CDK5RAP2: variants seen among roughly 807,000 people sequenced by gnomAD.
CDK5RAP2 encodes the protein CDK5 regulatory subunit associated protein 2.
CDK5RAP2 carries 147 observed loss-of-function variants against 232.9 expected under a neutral mutation model. That is an observed-to-expected ratio of 0.63 (90% CI 0.55 to 0.72). The LOEUF is 0.72. Among genes scored for constraint, CDK5RAP2 ranks in the 30% least tolerant of loss-of-function variants. CDK5RAP2 has a pLI of 0.00. For synonymous variants in CDK5RAP2, 833 were observed against 833.7 expected (o/e 1.00, Z 0.01); for missense variants, 2,195 against 2,231.5 (o/e 0.98, Z 0.33).
At chr9:120,469,373 G>GTA (rs2037562550) in intron 17 of CDK5RAP2, among the ~76,000 whole-genome samples, 1 of 152,118 alleles carries the variant, frequency 6.6e-6, no homozygotes, top group African/African-American at 2.4e-5. Context: ...TTGTACAGCT[G>GTA]CCCATACAGC....
intron 12 of CDK5RAP2, among the ~76,000 whole-genome samples, chr9:120,504,506 G>A (rs932972130): frequency 1.4e-4 from 21 of 152,114 alleles, no homozygotes; most frequent in African/African-American, 4.3e-4. Context: ...TCCCTACCCC[G>A]CATCCCACTG....
chr9:120,532,345 G>A (rs950209337), intron 7 of CDK5RAP2: 1 of 152,216 alleles, frequency 6.6e-6, no homozygotes, highest in African/African-American at 2.4e-5. Flanking sequence ...GCAGCTCAAA[G>A]GCCAGATTGA....
intron 14 of CDK5RAP2, among the ~76,000 whole-genome samples, chr9:120,486,840 A>G (rs115151862): frequency 1.2e-3 from 184 of 152,338 alleles, no homozygotes; most frequent in African/African-American, 4.2e-3. Flanking sequence ...AACTACATAC[A>G]CAAAGGCACA....
In CDK5RAP2 at chr9:120,564,469, AAC is replaced by A. The variant is rs1465947962; in HGVS notation, c.195+3850_195+3851del. 2.7e-5 allele frequency among the ~76,000 whole-genome samples: 4 copies of A among 150,764 alleles called. No individual in the cohort carries two copies. The East Asian group carries it at 7.8e-4, about 29-fold the overall frequency. On this transcript the variant is annotated intron_variant, in intron 3 of 37. Coordinates refer to ENST00000349780, the MANE Select transcript of CDK5RAP2 (RefSeq NM_018249.6). ...CGTGCCACTCCACTCCAGCCTGGGC[AAC>A]AGAGTGAGACTCTGTCTCAAAAAAA...
At chr9:120,562,922 A>ACATT (rs1257969240) in intron 3 of CDK5RAP2, among the ~76,000 whole-genome samples, 1 of 152,202 alleles carries the variant, frequency 6.6e-6, no homozygotes, top group Non-Finnish European at 1.5e-5. Context: ...ACAAGGTTAC[A>ACATT]CATTCATTCA....
intron 17 of CDK5RAP2, among the ~76,000 whole-genome samples, chr9:120,469,253 C>T (rs1387625741): frequency 1.3e-5 from 2 of 152,156 alleles, no homozygotes; most frequent in Non-Finnish European, 2.9e-5. Context: ...ATTCGTCCTT[C>T]GAAACCCACT....
At position 120,448,044 on chromosome 9, in the gene CDK5RAP2, T is replaced by C. The variant is rs2036287582; in HGVS notation, c.2876A>G (p.Glu959Gly). ...CTGGCTCTGCAGCTGCGTCACCACC[T>C]CCTGGGTGGCAGGGAGACGATACAT... ...GNMYRLPATQ[E>G]VVTQLQSQIL... The change falls in exon 22 of 38, where the codon GAG (glutamate) becomes GGG (glycine). Residue 959 changes from glutamate (E) to glycine (G), a missense_variant. Physicochemically the swap from Glu to Gly is moderately conservative, Grantham distance 98. Transcript: ENST00000349780. 6.2e-7 allele frequency: 1 copy of C among 1,613,948 alleles called. No homozygotes were observed. Among genetic ancestry groups the C allele is most frequent in the African/African-American group, 1.3e-5 (1 of 74,900 alleles).
At chr9:120,558,618 G>A (rs561344767) in intron 3 of CDK5RAP2, among the ~76,000 whole-genome samples, 65 of 152,104 alleles carry the variant, frequency 4.3e-4, no homozygotes, top group African/African-American at 1.5e-3. Context: ...CAATATTCCA[G>A]CCTCACTGGC....
intron 3 of CDK5RAP2, among the ~76,000 whole-genome samples, chr9:120,560,034 G>A (rs898675409): frequency 4.6e-5 from 7 of 152,132 alleles, no homozygotes; most frequent in Non-Finnish European, 8.8e-5. Flanking sequence ...CTGGCTATCC[G>A]CTTCAATGGC....
At chr9:120,407,471 T>C in intron 31 of CDK5RAP2, 1 of 578,346 alleles carries the variant, frequency 1.7e-6, no homozygotes, top group Non-Finnish European at 3.1e-6. Context: ...TAATTTTCGC[T>C]TCTGGCCATA....
chr9:120,417,523 T>C (rs148840685), intron 27 of CDK5RAP2, among the ~76,000 whole-genome samples: 90 of 152,344 alleles, frequency 5.9e-4, no homozygotes, highest in African/African-American at 1.8e-3. Flanking sequence ...CACACACTCA[T>C]GACTGTGAGA....
rs200393416 is a variant in CDK5RAP2, at chr9:120,411,465, C to A, written c.4307G>T (p.Ser1436Ile). 35 of 1,571,342 alleles carry A rather than the reference C, an allele frequency of 2.2e-5. No homozygotes were observed. Among genetic ancestry groups the A allele is most frequent in the Non-Finnish European group, 3.0e-5 (34 of 1,141,556 alleles). Residue 1436 changes from serine (S) to isoleucine (I), a missense_variant, in exon 29 of 38, where the codon AGC becomes ATC. Ser to Ile is a moderately radical substitution (Grantham distance 142). Coordinates refer to ENST00000349780, the MANE Select transcript of CDK5RAP2 (RefSeq NM_018249.6). ...AAGCTCTGAACCAGAAGCAAAAATG[C>A]TTGTAGAACCTATAAAAACACACAT... ...QGSEFVQGST[S>I]IFASGSELHS...
At chr9:120,562,181 T>C (rs77219966) in intron 3 of CDK5RAP2, among the ~76,000 whole-genome samples, 2,196 of 152,324 alleles carry the variant, frequency 0.014, 50 homozygotes, top group African/African-American at 0.05. Context: ...GTTTCCCTAG[T>C]ATCAATTTCC....
At chr9:120,573,275 G>A (rs1466062929) in intron 1 of CDK5RAP2, among the ~76,000 whole-genome samples, 1 of 152,194 alleles carries the variant, frequency 6.6e-6, no homozygotes, top group Non-Finnish European at 1.5e-5. Context: ...CGGGCTGGGT[G>A]CAGTGACTCA....
intron 12 of CDK5RAP2, among the ~76,000 whole-genome samples, chr9:120,493,719 T>C (rs1347862926): frequency 5.9e-5 from 9 of 152,056 alleles, no homozygotes; most frequent in Admixed American, 5.9e-4. Context: ...AAATCCATAA[T>C]GTGAAAAACT....
At chr9:120,477,783 CA>C (rs901087245) in intron 14 of CDK5RAP2, among the ~76,000 whole-genome samples, 29 of 151,950 alleles carry the variant, frequency 1.9e-4, no homozygotes, top group Admixed American at 1.5e-3. Context: ...TAAAACACTA[CA>C]AAAAAAATAT....
At position 120,536,532 on chromosome 9, in the gene CDK5RAP2, G is replaced by C; in HGVS notation, c.508-6C>G. The C allele has an allele frequency of 6.2e-7, 1 of 1,613,702 alleles. No homozygotes were observed. Among genetic ancestry groups the C allele is most frequent in the Non-Finnish European group, 8.5e-7 (1 of 1,179,788 alleles). On this transcript the variant is annotated splice_region_variant and splice_polypyrimidine_tract_variant and intron_variant, in intron 6 of 37. Coordinates refer to ENST00000349780, the MANE Select transcript of CDK5RAP2 (RefSeq NM_018249.6). ...GCCTGGGCGGCTGTCACATCCTAGAGTCAAATTAAATGCATTTGATGCAAT... is the reference window on the plus strand; with the variant it reads ...GCCTGGGCGGCTGTCACATCCTAGACTCAAATTAAATGCATTTGATGCAAT...
intron 36 of CDK5RAP2, among the ~76,000 whole-genome samples, chr9:120,391,483 C>T (rs141628913): frequency 4.6e-5 from 7 of 152,316 alleles, no homozygotes; most frequent in Admixed American, 1.3e-4. Context: ...AAGAAGGTAC[C>T]GACCTGAGCT....
chr9:120,560,969 C>A (rs1200760512), intron 3 of CDK5RAP2, among the ~76,000 whole-genome samples: 1 of 151,834 alleles, frequency 6.6e-6, no homozygotes, highest in Non-Finnish European at 1.5e-5. Context: ...CACAGTAAAG[C>A]CTTTTTTAAA....
Sources: allele counts gnomAD v4.1 joint callset (sites outside exome capture counted in the v4.1 genomes callset), GRCh38; gene constraint gnomAD v4.1.1; transcripts MANE v1.5; gene names NCBI Gene and HGNC (gene_info 2026-07-23, HGNC 2026-07-21).